Variants in TAF9B observed in about 807,000 individuals in gnomAD.
TAF9B encodes transcription initiation factor TFIID subunit 9B.
A neutral mutation model predicts 17.6 loss-of-function variants in TAF9B; 47 were observed. The ratio of observed to expected loss-of-function variants is 2.68; its 90% CI spans 2.12 to 3.41. The LOEUF (loss-of-function observed/expected upper bound fraction) is 3.41, where lower values mean the gene tolerates loss of function less well. Ranked by LOEUF, TAF9B falls within the 30% of genes most tolerant of loss-of-function variation. The pLI is 0.00. For synonymous variants in TAF9B, 84 were observed against 68.7 expected (o/e 1.22, Z -1.10); for missense variants, 218 against 189.3 (o/e 1.15, Z -0.89).
In TAF9B at chrX:78,138,015, G is replaced by A; in HGVS notation, c.217C>T (p.Leu73=). 8.3e-7 allele frequency: 1 copy of A among 1,210,419 alleles called. No homozygotes were observed. Among genetic ancestry groups the A allele is most frequent in the Non-Finnish European group, 1.1e-6 (1 of 894,765 alleles). ...KPNVDADDVR[L]AIQCRADQSF... ...TGGTCAGCACGACACTGGATTGCCA[G>A]TCTCACATCATCTGCATCAACATTA... Residue 73 remains leucine (L), a synonymous_variant, in exon 3 of 7, where the codon CTG becomes TTG. Coordinates refer to ENST00000341864, the MANE Select transcript of TAF9B (RefSeq NM_015975.5).
At chrX:78,138,767 A>G in intron 2 of TAF9B, 76 bp downstream of exon 2, 1 of 864,687 alleles carries the variant, frequency 1.2e-6, no homozygotes, top group Middle Eastern at 2.8e-4. Context: ...AAGAAAATAA[A>G]AGAAAATGTT....
rs782783326 is a variant in TAF9B, at chrX:78,130,129, C to G, written c.*1481G>C. On this transcript the variant is annotated 3_prime_UTR_variant, in exon 7 of 7. Transcript: ENST00000341864. Reference sequence around the variant, plus strand: ...TCCCTAATACTGAAAAACACTAAAACTGATACGAGACATTTGAGACATTTC... The same window carrying G: ...TCCCTAATACTGAAAAACACTAAAAGTGATACGAGACATTTGAGACATTTC... 2.7e-5 allele frequency: 3 copies of G among 112,509 alleles called. No homozygotes were observed. Among genetic ancestry groups the G allele is most frequent in the African/African-American group, 6.5e-5 (2 of 30,944 alleles). 9.3% of individuals were successfully genotyped at this position (112,509 alleles called of 1,213,427 possible).
chrX:78,139,062 AG>A (rs1361556616), intron 1 of TAF9B, 138 bp from the exon 2 acceptor site: 4 of 452,524 alleles, frequency 8.8e-6, no homozygotes, highest in Non-Finnish European at 1.5e-5. Context: ...TGCCCTCCCA[AG>A]TGAGTCAGTG....
At chrX:78,137,640 G>A (rs1421469100) in intron 4 of TAF9B, 109 bp downstream of exon 4, 3 of 747,277 alleles carry the variant, frequency 4.0e-6, no homozygotes, top group Non-Finnish European at 5.5e-6. Flanking sequence ...ATTCTAGTAA[G>A]TTATCTTAAC....
chrX:78,132,610 C>CTGTGTGTGTG (rs201863850), intron 6 of TAF9B, among the ~76,000 whole-genome samples: 6 of 96,284 alleles, frequency 6.2e-5, no homozygotes, highest in African/African-American at 1.2e-4. Flanking sequence ...TTATTCCAAT[C>CTGTGTGTGTG]TGTGTGTGTG....
chrX:78,132,814 T>A (rs2078419425), intron 6 of TAF9B, among the ~76,000 whole-genome samples: 1 of 110,819 alleles, frequency 9.0e-6, no homozygotes, highest in South Asian at 3.8e-4. Context: ...GCTGACGGTG[T>A]TCTTTGAAAA....
intron 6 of TAF9B, among the ~76,000 whole-genome samples, 172 bp from the exon 7 acceptor site, chrX:78,131,945 GAATTA>G (rs782571397): frequency 4.5e-4 from 51 of 112,376 alleles, no homozygotes; most frequent in Admixed American, 6.6e-4. Context: ...GCAATGAGTT[GAATTA>G]AATTTTAAAA....
chrX:78,135,243 G>A (rs1357160691), intron 5 of TAF9B, among the ~76,000 whole-genome samples: 28 of 102,347 alleles, frequency 2.7e-4, no homozygotes, highest in Non-Finnish European at 5.4e-4. Flanking sequence ...GTGAGCCACC[G>A]CACCTGGCCA....
Position 78,139,575 on chromosome X carries a change from G to A in TAF9B, c.37C>T (p.Pro13Ser). 1 of 1,212,066 alleles carries A rather than the reference G, an allele frequency of 8.3e-7. No individual in the cohort carries two copies. Among genetic ancestry groups the A allele is most frequent in the South Asian group, 1.8e-5 (1 of 56,992 alleles). The change falls in exon 1 of 7, where the codon CCG becomes TCG. Residue 13 changes from proline to serine, a missense_variant. By Grantham distance (74) the Pro-to-Ser change is moderately conservative. Transcript: ENST00000341864. ...SGKMAPPKNA[P>S]RDALVMAQIL... ...TTCGCACTTACCAAGGCATCTCTCG[G>A]AGCGTTCTTGGGAGGCGCCATCTTG... is the stretch of plus-strand genomic sequence containing the variant.
intron 6 of TAF9B, among the ~76,000 whole-genome samples, 187 bp downstream of exon 6, chrX:78,133,151 C>T (rs190189297): frequency 3.8e-4 from 42 of 111,669 alleles, no homozygotes; most frequent in Non-Finnish European, 3.4e-4. Flanking sequence ...AGGGGGGAGA[C>T]TACTTTATGT....
intron 2 of TAF9B, among the ~76,000 whole-genome samples, chrX:78,138,423 T>C (rs1241255640): frequency 1.8e-5 from 2 of 112,867 alleles, no homozygotes; most frequent in African/African-American, 6.4e-5. Context: ...TTTCGTTCTT[T>C]AGGCTGAATT....
intron 1 of TAF9B, 114 bp from the exon 2 acceptor site, chrX:78,139,038 G>C: frequency 1.7e-6 from 1 of 573,564 alleles, no homozygotes; most frequent in East Asian, 3.6e-5. Flanking sequence ...GGGCTCCAAA[G>C]TCCTACTCAC....
At chrX:78,136,199 T>G (rs782438638) in intron 5 of TAF9B, among the ~76,000 whole-genome samples, 4 of 112,151 alleles carry the variant, frequency 3.6e-5, no homozygotes, top group Admixed American at 9.5e-5. Context: ...TTATTTGTTT[T>G]CCTTATTATC....
rs1557249734 is a variant in TAF9B at position 78,133,383 on chromosome X, A to G, written c.547T>C (p.Phe183Leu). Residue 183 changes from phenylalanine (F) to leucine (L), a missense_variant, in exon 6 of 7, where the codon TTT (phenylalanine) becomes CTT (leucine). By Grantham distance (22) the Phe-to-Leu change is conservative. Transcript: ENST00000341864. ...TGAGAAGGTGGAATCTGCACCGTAA[A>G]TCTTTGGCTTGTCACTGACATTGGA... ...ATPMSVTSQR[F>L]TVQIPPSQST... 1 of 1,211,596 alleles carries G rather than the reference A, an allele frequency of 8.3e-7. No individual in the cohort carries two copies. Among genetic ancestry groups the G allele is most frequent in the Non-Finnish European group, 1.1e-6 (1 of 895,302 alleles).
chrX:78,133,147 G>C (rs2078420764), intron 6 of TAF9B, among the ~76,000 whole-genome samples, 191 bp downstream of exon 6: 1 of 111,710 alleles, frequency 9.0e-6, no homozygotes, highest in African/African-American at 3.3e-5. Context: ...GATAAGGGGG[G>C]AGACTACTTT....
At chrX:78,132,884 C>T (rs2078419746) in intron 6 of TAF9B, among the ~76,000 whole-genome samples, 1 of 110,288 alleles carries the variant, frequency 9.1e-6, no homozygotes, top group South Asian at 3.8e-4. Flanking sequence ...ATATAGTAGT[C>T]CCCCCTTATC....
intron 5 of TAF9B, among the ~76,000 whole-genome samples, chrX:78,136,420 G>A (rs1557250052): frequency 9.0e-6 from 1 of 111,489 alleles, no homozygotes; most frequent in East Asian, 2.8e-4. Context: ...AGCTTGAAGG[G>A]GCTCCCACTG....
chrX:78,132,079 C>T (rs782240766), intron 6 of TAF9B, among the ~76,000 whole-genome samples: 9 of 111,854 alleles, frequency 8.0e-5, no homozygotes, highest in Non-Finnish European at 1.5e-4. Context: ...CTGCAACCTC[C>T]GCCTCCTGAG....
intron 5 of TAF9B, 45 bp from the exon 6 acceptor site, chrX:78,133,493 A>G (rs782410526): frequency 4.1e-6 from 4 of 976,464 alleles, no homozygotes; most frequent in Non-Finnish European, 5.8e-6. Context: ...TGACTTATAC[A>G]GATTTATATT....
Sources: allele counts gnomAD v4.1 joint callset (sites outside exome capture counted in the v4.1 genomes callset), GRCh38; gene constraint gnomAD v4.1.1; transcripts MANE v1.5; gene names NCBI Gene and HGNC (gene_info 2026-07-23, HGNC 2026-07-21).